Variants in ODAD1 observed in about 807,000 individuals in gnomAD.
ODAD1 encodes the protein outer dynein arm docking complex subunit 1.
Under a neutral mutation model 67.2 loss-of-function variants are expected in ODAD1, and 49 were observed. The observed-to-expected ratio is 0.73, with a 90% confidence interval of 0.58 to 0.92. The LOEUF (loss-of-function observed/expected upper bound fraction) is 0.92. Among genes scored for constraint, ODAD1 ranks in the 40% least tolerant of loss-of-function variants. The pLI, the probability that ODAD1 is intolerant of heterozygous loss-of-function variation, is 0.00. For missense variants in ODAD1, 897 were observed against 953.7 expected (o/e 0.94, Z 0.78); for synonymous variants, 345 against 393.7 (o/e 0.88, Z 1.46).
intron 12 of ODAD1, among the ~76,000 whole-genome samples, chr19:48,301,725 T>C (rs1968467419): frequency 6.6e-6 from 1 of 151,862 alleles, no homozygotes; most frequent in South Asian, 2.1e-4. Context: ...GATGGAGGGA[T>C]AGACCCTGGA....
chr19:48,314,277 GACAGATTCTCCCCCAC>G (rs1376548226), intron 5 of ODAD1, among the ~76,000 whole-genome samples: 1 of 152,198 alleles, frequency 6.6e-6, no homozygotes, highest in African/African-American at 2.4e-5. Context: ...GCATGGAACA[GACAGATTCTCCCCCAC>G]ACTGCTCAGA....
intron 8 of ODAD1, among the ~76,000 whole-genome samples, chr19:48,305,321 C>T (rs1968577108): frequency 6.6e-6 from 1 of 152,112 alleles, no homozygotes; most frequent in East Asian, 1.9e-4. Context: ...GGATCTCTGT[C>T]CCTTGCAACC....
At position 48,321,954 on chromosome 19, in the gene ODAD1, C is replaced by T; in HGVS notation, c.-340G>A. On this transcript the variant is annotated 5_prime_UTR_variant, in exon 1 of 16. Transcript: ENST00000674294. ...AAAAACGCTTGGCCGCCTACCACGTCCGCGCGCTGGAGGGCGGAAGTGGGT... is the reference window on the plus strand; with the variant it reads ...AAAAACGCTTGGCCGCCTACCACGTTCGCGCGCTGGAGGGCGGAAGTGGGT... The T allele has an allele frequency of 2.5e-6, 1 of 393,294 alleles. No individual in the cohort carries two copies. The allele number at this position is 393,294 out of a possible 1,614,324, so 24.4% of individuals were successfully genotyped here. A position where few individuals can be genotyped will look rare whatever the true frequency, so the allele number is the denominator to read the frequency against.
chr19:48,297,657 G>C lies in ODAD1; in HGVS notation c.1514C>G (p.Pro505Arg). Reference sequence around the variant, plus strand: ...GTAGTCATCGCTGGCCTCAAAACCCGGGGGGTCTTCTCTGGGGAGGGGAAG... The same window carrying C: ...GTAGTCATCGCTGGCCTCAAAACCCCGGGGGTCTTCTCTGGGGAGGGGAAG... The part of the protein sequence containing the change: ...LQPPDTLEDP[P>R]GFEASDDYPM... Residue 505 changes from proline (P) to arginine (R), a missense_variant, in exon 15 of 16, where the codon CCG becomes CGG. Transcript: ENST00000674294. 1 of 1,510,314 alleles carries C rather than the reference G, an allele frequency of 6.6e-7. No homozygotes were observed. Among genetic ancestry groups the C allele is most frequent in the South Asian group, 1.3e-5 (1 of 74,402 alleles). 93.6% of individuals were successfully genotyped at this position (1,510,314 alleles called of 1,614,324 possible).
chr19:48,307,688 G>A (rs183915054), intron 7 of ODAD1, among the ~76,000 whole-genome samples: 6 of 152,148 alleles, frequency 3.9e-5, no homozygotes, highest in South Asian at 4.1e-4. Context: ...GGTGGCAGGT[G>A]CCTGTAGTCC....
At chr19:48,303,128 G>A (rs771600888) in intron 10 of ODAD1, 33 bp from the exon 11 acceptor site, 6 of 1,469,530 alleles carry the variant, frequency 4.1e-6, no homozygotes, top group Admixed American at 1.7e-5. Context: ...GGCCCAGAGA[G>A]AGGGAGACAG....
At chr19:48,310,190 C>T (rs1392609094) in intron 7 of ODAD1, among the ~76,000 whole-genome samples, 1 of 151,992 alleles carries the variant, frequency 6.6e-6, no homozygotes, top group Non-Finnish European at 1.5e-5. Context: ...GCCAAGATCA[C>T]GCCATTACAC....
In ODAD1 at chr19:48,321,865, G is replaced by T. The variant is rs948489902; in HGVS notation, c.-251C>A. ...AAGCCGGGAGTTGCGCGGAGAAGGA[G>T]CGCTCAACACAGCCTCAGCGGTTCA... On this transcript the variant is annotated 5_prime_UTR_variant, in exon 1 of 16. Coordinates refer to ENST00000674294, the MANE Select transcript of ODAD1 (RefSeq NM_001364171.2). 1.3e-5 allele frequency: 5 copies of T among 398,476 alleles called. No individual in the cohort carries two copies. The highest frequency in any genetic ancestry group is 8.8e-5 in the Admixed American group (2 of 22,714). 24.7% of individuals were successfully genotyped at this position (398,476 alleles called of 1,614,324 possible). A position where few individuals can be genotyped will look rare whatever the true frequency, so the allele number is the denominator to read the frequency against.
intron 2 of ODAD1, 79 bp from the exon 3 acceptor site, chr19:48,320,470 G>A: frequency 2.6e-6 from 2 of 767,832 alleles, no homozygotes; most frequent in Non-Finnish European, 3.6e-6. Flanking sequence ...AACTGCGAGG[G>A]ACTGGGAATT....
At chr19:48,307,619 T>C (rs960615401) in intron 7 of ODAD1, among the ~76,000 whole-genome samples, 42 of 151,822 alleles carry the variant, frequency 2.8e-4, no homozygotes, top group African/African-American at 9.7e-4. Context: ...ATCGAGACCA[T>C]CCTGGCTAAC....
Position 48,298,289 on chromosome 19 carries a change from T to C in ODAD1, c.1292A>G (p.Asp431Gly), listed in dbSNP as rs777592671. 1 of 1,614,008 alleles carries C rather than the reference T, an allele frequency of 6.2e-7. No homozygotes were observed. Among genetic ancestry groups the C allele is most frequent in the South Asian group, 1.1e-5 (1 of 91,074 alleles). The change falls in exon 13 of 16, where the codon GAC becomes GGC. Residue 431 changes from aspartate to glycine, a missense_variant. By Grantham distance (94) the Asp-to-Gly change is moderately conservative. Transcript: ENST00000674294. ...KAHCDSSMIDDLLGVKTSMGD... is the reference protein window; with the variant it reads ...KAHCDSSMIDGLLGVKTSMGD... ...CATGCTGGTCTTGACCCCAAGGAGG[T>C]CATCGATCATGCTGCTGTCGCAATG...
At chr19:48,315,084 T>TC (rs1476858527) in intron 5 of ODAD1, among the ~76,000 whole-genome samples, 1 of 152,112 alleles carries the variant, frequency 6.6e-6, no homozygotes, top group African/African-American at 2.4e-5. Context: ...TTTTATTTTT[T>TC]CTTTTTTTTA....
At chr19:48,319,920 A>G (rs1459647190) in intron 3 of ODAD1, 1 of 408,234 alleles carries the variant, frequency 2.4e-6, no homozygotes, top group Non-Finnish European at 3.3e-6. Flanking sequence ...TTGGCATCCT[A>G]CGACACACAG....
rs1272619085 is a variant in ODAD1 at position 48,313,443 on chromosome 19, AAAACC to A, written c.361-1332_361-1328del. Among the ~76,000 whole-genome samples, 11 of 98,740 alleles carry A rather than the reference AAAACC, an allele frequency of 1.1e-4. 2 individuals carry two copies. The highest frequency in any genetic ancestry group is 1.6e-4 in the African/African-American group (4 of 24,910). 64.8% of individuals were successfully genotyped at this position (98,740 alleles called of 152,430 possible). ...CTCCATCTCAAAAAAAAAAAAAAAAAAAACCAAAAAAAAACCTCACATGTTGAAGT... is the reference window on the plus strand; with the variant it reads ...CTCCATCTCAAAAAAAAAAAAAAAAAAAAAAAAAACCTCACATGTTGAAGT... On this transcript the variant is annotated intron_variant, in intron 5 of 15. Transcript: ENST00000674294.
Position 48,318,742 on chromosome 19 carries a change from C to T in ODAD1, c.141G>A (p.Lys47=), listed in dbSNP as rs1242198103. The change falls in exon 4 of 16, where the codon AAG becomes AAA. Residue 47 remains lysine, a synonymous_variant. Coordinates refer to ENST00000674294, the MANE Select transcript of ODAD1 (RefSeq NM_001364171.2). The part of the protein sequence containing the change: ...VMEGERRAYS[K]EVHQRINKQL... ...GCTTGTTGATGCGCTGGTGGACTTC[C>T]TTGCTGTAGGCCCGCCTCTCCCCTT... The T allele has an allele frequency of 6.4e-7, 1 of 1,551,272 alleles. No homozygotes were observed. The highest frequency in any genetic ancestry group is 8.7e-7 in the Non-Finnish European group (1 of 1,146,702).
chr19:48,321,651 A>T (rs546826381), intron 1 of ODAD1, 27 bp downstream of exon 1: 1 of 382,848 alleles, frequency 2.6e-6, no homozygotes, highest in South Asian at 1.4e-4. Flanking sequence ...GGTCCTGGGG[A>T]GGTCGAGGCT....
intron 5 of ODAD1, among the ~76,000 whole-genome samples, chr19:48,313,448 C>CAAAAAAAAAAAAAAAAAAAAAAAAAAAAA (rs1291428185): frequency 1.2e-5 from 1 of 86,926 alleles, no homozygotes; most frequent in African/African-American, 5.1e-5. Context: ...AAAAAAAAAC[C>CAAAAAAAAAAAAAAAAAAAAAAAAAAAAA]AAAAAAAAAC....
intron 7 of ODAD1, among the ~76,000 whole-genome samples, chr19:48,307,537 C>T (rs532619368): frequency 1.3e-5 from 2 of 152,242 alleles, no homozygotes; most frequent in African/African-American, 4.8e-5. Flanking sequence ...TCTCTTAGTG[C>T]CAGGCTGGTG....
intron 3 of ODAD1, 156 bp downstream of exon 3, chr19:48,320,143 G>T: frequency 1.1e-6 from 1 of 900,744 alleles, no homozygotes; most frequent in Non-Finnish European, 1.4e-6. Context: ...CCCACCCACC[G>T]TGGTGCCCGC....
Sources: allele counts gnomAD v4.1 joint callset (sites outside exome capture counted in the v4.1 genomes callset), GRCh38; gene constraint gnomAD v4.1.1; transcripts MANE v1.5; gene names NCBI Gene and HGNC (gene_info 2026-07-23, HGNC 2026-07-21).